Variants in RIMS2 observed in about 807,000 individuals in gnomAD.
The protein encoded by RIMS2 is regulating synaptic membrane exocytosis 2, also known as regulating synaptic membrane exocytosis protein 2.
A neutral mutation model predicts 174.4 loss-of-function variants in RIMS2; 59 were observed. That is an observed-to-expected ratio of 0.34 (90% CI 0.27 to 0.42). The LOEUF (loss-of-function observed/expected upper bound fraction) is 0.42, where lower values mean the gene tolerates loss of function less well. RIMS2 is among the 10% of genes least tolerant of loss of function. The pLI, the probability that RIMS2 is intolerant of heterozygous loss-of-function variation, is 1.00. For missense variants in RIMS2, 1,620 were observed against 1,666.3 expected, an observed-to-expected ratio of 0.97 and a Z score of 0.48; for synonymous variants, 606 against 572.5, an observed-to-expected ratio of 1.06 and a Z score of -0.84.
intron 11 of RIMS2, among the ~76,000 whole-genome samples, chr8:103,930,041 G>T (rs2154531444): frequency 6.6e-6 from 1 of 152,022 alleles, no homozygotes; most frequent in East Asian, 1.9e-4. Flanking sequence ...TACTGACATG[G>T]AAAGTTTATT....
intron 19 of RIMS2, among the ~76,000 whole-genome samples, chr8:104,241,748 TTTTG>T (rs528533367): frequency 0.013 from 1,985 of 151,806 alleles, 38 homozygotes; most frequent in African/African-American, 0.043. Context: ...TGCTTGGGGT[TTTTG>T]TTTGTTTGTT....
At chr8:103,969,137 G>A (rs56317008) in intron 15 of RIMS2, among the ~76,000 whole-genome samples, 1 of 151,682 alleles carries the variant, frequency 6.6e-6, no homozygotes, top group African/African-American at 2.4e-5. Context: ...CTTCTTTCAA[G>A]GGTTTTTCTT....
rs541012414 is a variant in RIMS2 at position 104,098,208 on chromosome 8, A to G, written c.3334+83593A>G. ...TTTCCTAAGTTAATTAATGAGTAATATATTTATACTTAGCTATATTTACAC... is the reference window on the plus strand; with the variant it reads ...TTTCCTAAGTTAATTAATGAGTAATGTATTTATACTTAGCTATATTTACAC... On this transcript the variant is annotated intron_variant, in intron 19 of 23. Transcript: ENST00000504942. Among the ~76,000 whole-genome samples the G allele has an allele frequency of 3.2e-3, 494 of 152,304 alleles. 5 individuals are homozygous for G. The highest frequency in any genetic ancestry group is 6.8e-3 in the Middle Eastern group (2 of 294).
chr8:104,124,937 T>C lies in RIMS2; in HGVS notation c.3334+110322T>C, dbSNP rs545950958. Among the ~76,000 whole-genome samples the C allele has an allele frequency of 2.6e-5, 4 of 151,184 alleles. No homozygotes were observed. In the East Asian group the frequency reaches 8.1e-4, roughly 30 times the overall value. On this transcript the variant is annotated intron_variant, in intron 19 of 23. Coordinates refer to ENST00000504942, the Ensembl canonical transcript of RIMS2. Reference sequence around the variant, plus strand: ...GGTCATGTCTATAGATATTTTATCATTAAATATGAAAAACAAGAAGACAAA... The same window carrying C: ...GGTCATGTCTATAGATATTTTATCACTAAATATGAAAAACAAGAAGACAAA...
At position 103,882,006 on chromosome 8, in the gene RIMS2, C is replaced by T. The variant is rs953958688; in HGVS notation, c.699-3292C>T. Among the ~76,000 whole-genome samples, 4 of 151,552 alleles carry T rather than the reference C, an allele frequency of 2.6e-5. No individual in the cohort carries two copies. The East Asian group carries it at 5.8e-4, about 22-fold the overall frequency. On this transcript the variant is annotated intron_variant, in intron 3 of 23. Coordinates refer to ENST00000504942, the Ensembl canonical transcript of RIMS2. The stretch of plus-strand genomic sequence containing the variant: ...CTAAAGAAAGGCATAATTTTGGATT[C>T]TGCCTCTTAATTTCTCAGGGTCTTT...
chr8:103,936,098 G>A (rs921148997), intron 12 of RIMS2, among the ~76,000 whole-genome samples: 2 of 152,088 alleles, frequency 1.3e-5, no homozygotes, highest in Non-Finnish European at 2.9e-5. Flanking sequence ...TCATTAGCTA[G>A]AACTTTATAG....
At chr8:104,190,291 C>T (rs974923167) in intron 19 of RIMS2, among the ~76,000 whole-genome samples, 1 of 151,718 alleles carries the variant, frequency 6.6e-6, no homozygotes, top group African/African-American at 2.4e-5. Flanking sequence ...CAGAGTGGGA[C>T]CCTGTATCTA....
chr8:103,789,627 G>A (rs904259419), intron 3 of RIMS2, among the ~76,000 whole-genome samples: 1 of 151,960 alleles, frequency 6.6e-6, no homozygotes, highest in South Asian at 2.1e-4. Flanking sequence ...TAGGAGCCAG[G>A]TTAGAATTCT....
intron 1 of RIMS2, among the ~76,000 whole-genome samples, chr8:103,572,210 G>A (rs567884675): frequency 1.5e-3 from 224 of 152,226 alleles, no homozygotes; most frequent in African/African-American, 5.2e-3. Context: ...AAGGTGCCGC[G>A]GACCCAGAGT....
intron 19 of RIMS2, among the ~76,000 whole-genome samples, chr8:104,165,625 A>T (rs2098792245): frequency 6.6e-6 from 1 of 151,872 alleles, no homozygotes; most frequent in African/African-American, 2.4e-5. Flanking sequence ...TTGTTCCATC[A>T]GTCTTTATCT....
At chr8:104,163,890 A>C (rs545747620) in intron 19 of RIMS2, among the ~76,000 whole-genome samples, 1 of 152,292 alleles carries the variant, frequency 6.6e-6, no homozygotes, top group Admixed American at 6.5e-5. Context: ...TGATGAGGAA[A>C]CTGATGGTGA....
At chr8:103,577,729 C>T (rs1356094417) in intron 1 of RIMS2, among the ~76,000 whole-genome samples, 6 of 152,108 alleles carry the variant, frequency 3.9e-5, no homozygotes, top group Non-Finnish European at 7.4e-5. Context: ...ATTCAGAAAT[C>T]ATCAGAGAAA....
intron 2 of RIMS2, among the ~76,000 whole-genome samples, chr8:103,761,774 T>A (rs538042616): frequency 8.5e-5 from 13 of 152,236 alleles, no homozygotes; most frequent in Non-Finnish European, 1.3e-4. Context: ...TTATTTCTTC[T>A]CTGACAAATG....
chr8:104,185,010 C>T (rs375583850), intron 19 of RIMS2, among the ~76,000 whole-genome samples: 9 of 151,354 alleles, frequency 5.9e-5, no homozygotes, highest in African/African-American at 1.5e-4. Flanking sequence ...TACTAGCTAG[C>T]GTCTGTTATG....
chr8:104,237,814 T>G (rs2099266671), intron 19 of RIMS2, among the ~76,000 whole-genome samples: 1 of 152,176 alleles, frequency 6.6e-6, no homozygotes, highest in Non-Finnish European at 1.5e-5. Context: ...GTTTAGACTT[T>G]TAGAGATTTG....
chr8:103,750,132 C>T (rs1015653851), intron 2 of RIMS2, among the ~76,000 whole-genome samples: 6 of 152,000 alleles, frequency 3.9e-5, no homozygotes, highest in Admixed American at 3.9e-4. Context: ...TCTGGCCCAA[C>T]TGGATTCACT....
At chr8:103,765,708 C>T (rs550628588) in intron 2 of RIMS2, among the ~76,000 whole-genome samples, 4 of 151,436 alleles carry the variant, frequency 2.6e-5, no homozygotes, top group Admixed American at 2.0e-4. Flanking sequence ...GCTAATTTTC[C>T]GTATAACAAG....
intron 3 of RIMS2, among the ~76,000 whole-genome samples, chr8:103,865,576 C>CA (rs2099081108): frequency 6.6e-6 from 1 of 152,074 alleles, no homozygotes; most frequent in Non-Finnish European, 1.5e-5. Context: ...TGAGCCACCA[C>CA]ACCCAGCATC....
chr8:104,176,716 C>A, intron 19 of RIMS2, among the ~76,000 whole-genome samples: 1 of 150,778 alleles, frequency 6.6e-6, no homozygotes, highest in Non-Finnish European at 1.5e-5. Flanking sequence ...CATATATTTT[C>A]ATATCATTAT....
Sources: gnomAD v4.1 joint callset for allele counts (sites outside exome capture counted in the v4.1 genomes callset) on GRCh38, gnomAD v4.1.1 for gene constraint, MANE v1.5 for transcripts, NCBI Gene and HGNC (gene_info 2026-07-23, HGNC 2026-07-21) for gene names.